The following MAN2A1 variants were observed in gnomAD, a reference collection of about 807,000 sequenced individuals.
MAN2A1 encodes the protein alpha-mannosidase 2.
Under a neutral mutation model 142.6 loss-of-function variants are expected in MAN2A1, and 76 were observed. The observed-to-expected ratio is 0.53, with a 90% CI of 0.44 to 0.65. The LOEUF (loss-of-function observed/expected upper bound fraction) is 0.65, where lower values mean the gene tolerates loss of function less well. Ranked by LOEUF, MAN2A1 falls within the 30% of genes least tolerant of loss-of-function variation. The pLI is 0.00. For missense variants in MAN2A1, 1,311 were observed against 1,365.1 expected, an observed-to-expected ratio of 0.96 and a Z score of 0.62; for synonymous variants, 559 against 473.2, an observed-to-expected ratio of 1.18 and a Z score of -2.35.
intron 1 of MAN2A1, among the ~76,000 whole-genome samples, chr5:109,692,783 C>T (rs2112533175): frequency 8.1e-6 from 1 of 123,696 alleles, no homozygotes; most frequent in South Asian, 2.4e-4. Flanking sequence ...AGTTTTTCCA[C>T]AGACAGGGGT....
chr5:109,822,297 C>T (rs985328911), intron 15 of MAN2A1, among the ~76,000 whole-genome samples: 13 of 151,596 alleles, frequency 8.6e-5, no homozygotes, highest in Non-Finnish European at 1.9e-4. Context: ...CAGCTTTTGT[C>T]ATTGGACATT....
At chr5:109,705,501 T>C (rs1027419731) in intron 1 of MAN2A1, among the ~76,000 whole-genome samples, 2 of 152,114 alleles carry the variant, frequency 1.3e-5, no homozygotes, top group Non-Finnish European at 2.9e-5. Context: ...CACAGCTCCT[T>C]AGGGTCATGG....
intron 4 of MAN2A1, among the ~76,000 whole-genome samples, chr5:109,733,643 T>C (rs1218148862): frequency 6.6e-6 from 1 of 152,186 alleles, no homozygotes; most frequent in Non-Finnish European, 1.5e-5. Flanking sequence ...TCTTTGGTTC[T>C]GTTTATATGC....
In MAN2A1 at chr5:109,690,384, GGA is replaced by G. The variant is rs778152509; in HGVS notation, c.-30_-29del. 18 of 1,613,546 alleles carry G rather than the reference GGA, an allele frequency of 1.1e-5. No homozygotes were observed. In the Admixed American group the frequency reaches 2.8e-4, roughly 25 times the overall value. On this transcript the variant is annotated 5_prime_UTR_variant, in exon 1 of 22. Transcript: ENST00000261483. ...ACAGTGCGCTGTCTCCTTTGGCTGA[GGA>G]GAGTGTCCTGGCCCCGAGTCTATCG...
chr5:109,728,430 T>A (rs1178484438), intron 3 of MAN2A1, among the ~76,000 whole-genome samples: 1 of 152,156 alleles, frequency 6.6e-6, no homozygotes, highest in Non-Finnish European at 1.5e-5. Context: ...TACGATTTTT[T>A]AGATGGGAAC....
intron 4 of MAN2A1, among the ~76,000 whole-genome samples, chr5:109,736,211 A>T (rs973720849): frequency 8.5e-5 from 13 of 152,174 alleles, no homozygotes; most frequent in Non-Finnish European, 1.9e-4. Flanking sequence ...TTGCAGACAC[A>T]CTCACACAGT....
chr5:109,867,033 CTTTT>C lies in MAN2A1; in HGVS notation c.*36_*39del. On this transcript the variant is annotated 3_prime_UTR_variant, in exon 22 of 22. Coordinates refer to ENST00000261483, the MANE Select transcript of MAN2A1 (RefSeq NM_002372.4). Reference sequence around the variant, plus strand: ...TCACATTTGGATTGAGAATCATTGGCTTTTATACCTTTCTTGGTTTGACGTGCAA... The same window carrying C: ...TCACATTTGGATTGAGAATCATTGGCATACCTTTCTTGGTTTGACGTGCAA... The C allele has an allele frequency of 6.4e-7, 1 of 1,573,556 alleles. No individual in the cohort carries two copies. The highest frequency in any genetic ancestry group is 2.3e-5 in the East Asian group (1 of 43,722).
chr5:109,694,251 T>C (rs1288312608), intron 1 of MAN2A1, among the ~76,000 whole-genome samples: 2 of 152,248 alleles, frequency 1.3e-5, no homozygotes, highest in Non-Finnish European at 2.9e-5. Flanking sequence ...TTTATCTTTT[T>C]GCCTATGTAA....
At chr5:109,835,906 TGGTG>T (rs1226663435) in intron 16 of MAN2A1, among the ~76,000 whole-genome samples, 1 of 152,086 alleles carries the variant, frequency 6.6e-6, no homozygotes, top group Non-Finnish European at 1.5e-5. Context: ...CTGAGAGAGT[TGGTG>T]GTACAGAGGA....
At position 109,819,655 on chromosome 5, in the gene MAN2A1, C is replaced by T. The variant is rs774408206; in HGVS notation, c.2110-14C>T. 6 of 1,470,954 alleles carry T rather than the reference C, an allele frequency of 4.1e-6. No individual in the cohort carries two copies. The South Asian group carries it at 6.5e-5, about 16-fold the overall frequency. 91.1% of individuals were successfully genotyped at this position (1,470,954 alleles called of 1,614,324 possible). A position where few individuals can be genotyped will look rare whatever the true frequency, so the allele number is the denominator to read the frequency against. ...CATTTATCTTTAATAAATTCCCTTC[C>T]CTATCTTTTAAAGATCTCTTTTCGA... On this transcript the variant is annotated splice_polypyrimidine_tract_variant and intron_variant, in intron 13 of 21. Coordinates refer to ENST00000261483, the MANE Select transcript of MAN2A1 (RefSeq NM_002372.4).
intron 10 of MAN2A1, among the ~76,000 whole-genome samples, 195 bp downstream of exon 10, chr5:109,785,121 C>G (rs1753563298): frequency 6.6e-6 from 1 of 152,078 alleles, no homozygotes; most frequent in Middle Eastern, 3.2e-3. Context: ...GCTGCACCAA[C>G]TTTTTATTGC....
chr5:109,701,281 C>G (rs1361254853), intron 1 of MAN2A1, among the ~76,000 whole-genome samples: 2 of 152,242 alleles, frequency 1.3e-5, no homozygotes, highest in African/African-American at 2.4e-5. Flanking sequence ...CCCTATGGGA[C>G]GATACTTTGA....
intron 12 of MAN2A1, among the ~76,000 whole-genome samples, chr5:109,808,521 CTATTAG>C (rs1191182908): frequency 6.6e-6 from 1 of 151,872 alleles, no homozygotes; most frequent in African/African-American, 2.4e-5. Flanking sequence ...TATTTAATGG[CTATTAG>C]TATTCTAGTA....
chr5:109,710,319 TAA>T (rs2112557550), intron 1 of MAN2A1, among the ~76,000 whole-genome samples: 1 of 152,304 alleles, frequency 6.6e-6, no homozygotes, highest in South Asian at 2.1e-4. Context: ...ACCAAAGCCA[TAA>T]TAAAAATATT....
chr5:109,742,166 T>C (rs1301709073), intron 4 of MAN2A1, among the ~76,000 whole-genome samples: 1 of 152,216 alleles, frequency 6.6e-6, no homozygotes, highest in Non-Finnish European at 1.5e-5. Context: ...CTCTGAGATA[T>C]TGGAACAGCT....
intron 2 of MAN2A1, among the ~76,000 whole-genome samples, chr5:109,714,324 AT>A (rs1751393541): frequency 6.6e-6 from 1 of 152,180 alleles, no homozygotes; most frequent in South Asian, 2.1e-4. Context: ...TGTAAGTGTA[AT>A]GTACACACAC....
In MAN2A1 at chr5:109,843,727, CAA is replaced by C. The variant is rs142253050; in HGVS notation, c.2700+1267_2700+1268del. ...ATTGTAGTAAGGAAATTGATTTATA[CAA>C]TCTTATCAGGTTGTCAATTCTCCAA... On this transcript the variant is annotated intron_variant, in intron 17 of 21. Coordinates refer to ENST00000261483, the MANE Select transcript of MAN2A1 (RefSeq NM_002372.4). 7.1e-3 allele frequency among the ~76,000 whole-genome samples: 1,075 copies of C among 152,198 alleles called. 14 individuals are homozygous for C. The highest frequency in any genetic ancestry group is 0.025 in the African/African-American group (1,038 of 41,540).
intron 12 of MAN2A1, among the ~76,000 whole-genome samples, chr5:109,808,029 G>A (rs751380964): frequency 1.2e-4 from 19 of 152,122 alleles, no homozygotes; most frequent in Non-Finnish European, 1.8e-4. Flanking sequence ...CAAGCTCCTT[G>A]TAATGACTAA....
At chr5:109,865,009 G>T (rs34417962) in intron 20 of MAN2A1, 27 bp from the exon 21 acceptor site, 28,437 of 1,466,372 alleles carry the variant, frequency 0.019, 372 homozygotes, top group Non-Finnish European at 0.022. Flanking sequence ...TGTCTGCGCG[G>T]TGTGACTGCA....
Sources: allele counts gnomAD v4.1 joint callset (sites outside exome capture counted in the v4.1 genomes callset), GRCh38; gene constraint gnomAD v4.1.1; transcripts MANE v1.5; gene names NCBI Gene and HGNC (gene_info 2026-07-23, HGNC 2026-07-21).